Variants in GLIS3 observed in about 807,000 individuals in gnomAD.
GLIS3 encodes the protein GLIS family zinc finger 3, also known as zinc finger protein GLIS3.
GLIS3 carries 53 observed loss-of-function variants against 78.6 expected under a neutral mutation model. The ratio of observed to expected loss-of-function variants is 0.67; its 90% confidence interval spans 0.54 to 0.85. GLIS3 has a LOEUF of 0.85. Among genes scored for constraint, GLIS3 ranks in the 40% least tolerant of loss-of-function variants. GLIS3 has a pLI of 0.00. For missense variants in GLIS3, 1,703 were observed against 1,231.1 expected (o/e 1.38, Z -5.74); for synonymous variants, 684 against 509.9 (o/e 1.34, Z -4.60).
chr9:4,347,651 T>C (rs952380765), intron 1 of GLIS3, among the ~76,000 whole-genome samples: 1 of 152,182 alleles, frequency 6.6e-6, no homozygotes, highest in East Asian at 1.9e-4. Flanking sequence ...TTTCAAATAA[T>C]CCAGAGTGAA....
intron 4 of GLIS3, among the ~76,000 whole-genome samples, chr9:4,041,491 T>C (rs182949168): frequency 1.4e-4 from 22 of 152,302 alleles, no homozygotes; most frequent in East Asian, 1.2e-3. Context: ...GGCACCACCA[T>C]TGAGACTCAA....
chr9:4,072,442 A>G (rs970489131), intron 4 of GLIS3, among the ~76,000 whole-genome samples: 2 of 152,210 alleles, frequency 1.3e-5, no homozygotes, highest in African/African-American at 4.8e-5. Context: ...TCCCACGACA[A>G]TGGAATCAGC....
At chr9:4,472,800 T>TTA in the GLIS3 span, among the ~76,000 whole-genome samples, 3 of 152,018 alleles carry the variant, frequency 2.0e-5, no homozygotes, top group Non-Finnish European at 4.4e-5. Context: ...ATAACACGTT[T>TTA]TATATATATA....
At position 4,336,444 on chromosome 9, in the gene GLIS3, G is replaced by A. The variant is rs144222773; in HGVS notation, n.264+10637C>T. Reference sequence around the variant, plus strand: ...CTGGGTCAGGGACCTGGATCCCTTAGGATCATTGCTACAGTTTCTGGTGCC... The same window carrying A: ...CTGGGTCAGGGACCTGGATCCCTTAAGATCATTGCTACAGTTTCTGGTGCC... On this transcript the variant is annotated intron_variant and non_coding_transcript_variant, in intron 2 of 4. Transcript: ENST00000471664. Among the ~76,000 whole-genome samples the A allele has an allele frequency of 3.5e-4, 54 of 152,306 alleles. 1 individual carries two copies. Among genetic ancestry groups the A allele is most frequent in the African/African-American group, 1.3e-3 (52 of 41,562 alleles).
At chr9:4,483,225 G>A in the GLIS3 span, among the ~76,000 whole-genome samples, 1 of 152,164 alleles carries the variant, frequency 6.6e-6, no homozygotes, top group Non-Finnish European at 1.5e-5. Context: ...CCGTAAATTG[G>A]TTGCAAGCAG....
chr9:4,193,325 A>C (rs1456103799), intron 2 of GLIS3, among the ~76,000 whole-genome samples: 1 of 152,258 alleles, frequency 6.6e-6, no homozygotes, highest in Admixed American at 6.5e-5. Context: ...ACTGAAACAC[A>C]GACAATATTT....
At chr9:4,396,004 C>A in the GLIS3 span, among the ~76,000 whole-genome samples, 1 of 151,912 alleles carries the variant, frequency 6.6e-6, no homozygotes, top group Non-Finnish European at 1.5e-5. Flanking sequence ...GATCTCCTGA[C>A]CTCATGATCC....
intron 4 of GLIS3, among the ~76,000 whole-genome samples, chr9:4,041,742 A>C (rs1824828646): frequency 6.6e-6 from 1 of 152,188 alleles, no homozygotes; most frequent in African/African-American, 2.4e-5. Context: ...AGATGTTCTG[A>C]AGATAAAACC....
intron 2 of GLIS3, among the ~76,000 whole-genome samples, chr9:4,246,006 C>G (rs931377226): frequency 6.6e-6 from 1 of 152,168 alleles, no homozygotes; most frequent in Non-Finnish European, 1.5e-5. Flanking sequence ...CCTCCTCTAT[C>G]TGCCAGAAAA....
intron 4 of GLIS3, among the ~76,000 whole-genome samples, chr9:3,979,446 G>A (rs1482680125): frequency 6.6e-6 from 1 of 152,214 alleles, no homozygotes; most frequent in Non-Finnish European, 1.5e-5. Context: ...TTCGAGCGAA[G>A]ACCACAGCCC....
At chr9:4,013,861 G>C (rs1424373091) in intron 4 of GLIS3, among the ~76,000 whole-genome samples, 2 of 152,174 alleles carry the variant, frequency 1.3e-5, no homozygotes, top group Non-Finnish European at 2.9e-5. Context: ...TGAACATTAA[G>C]TCCAGGTAGC....
At chr9:4,021,855 A>G (rs1822913920) in intron 4 of GLIS3, among the ~76,000 whole-genome samples, 1 of 152,192 alleles carries the variant, frequency 6.6e-6, no homozygotes, top group African/African-American at 2.4e-5. Flanking sequence ...TTTTCAGTTT[A>G]TCGGGCACAA....
At position 4,221,702 on chromosome 9, in the gene GLIS3, G is replaced by A. The variant is rs553574323; in HGVS notation, c.388+64336C>T. Among the ~76,000 whole-genome samples, 47 of 152,266 alleles carry A rather than the reference G, an allele frequency of 3.1e-4. No homozygotes were observed. In the South Asian group the frequency reaches 3.3e-3, roughly 11 times the overall value. ...GGGGGTTATACCAGAAGAGAAAGGG[G>A]CAAAGATAACATATGGAAACACATT... On this transcript the variant is annotated intron_variant, in intron 2 of 10. Coordinates refer to ENST00000381971, the MANE Select transcript of GLIS3 (RefSeq NM_001042413.2).
At chr9:4,155,774 C>A (rs1213990749) in intron 2 of GLIS3, among the ~76,000 whole-genome samples, 1 of 152,058 alleles carries the variant, frequency 6.6e-6, no homozygotes, top group Non-Finnish European at 1.5e-5. Context: ...CTAGGCCCAT[C>A]CCAGAGTTTC....
chr9:4,305,038 T>C (rs572235145), upstream of GLIS3, among the ~76,000 whole-genome samples: 5 of 152,278 alleles, frequency 3.3e-5, no homozygotes, highest in South Asian at 6.2e-4. Context: ...TCTACATTTT[T>C]TTTCACTTCA....
At position 4,118,310 on chromosome 9, in the gene GLIS3, G is replaced by A. The variant is rs777825095; in HGVS notation, c.1168C>T (p.Leu390=). 8.9e-6 allele frequency: 14 copies of A among 1,576,396 alleles called. No individual in the cohort carries two copies. In the South Asian group the frequency reaches 1.5e-4, roughly 17 times the overall value. ...ALPAYGEDGA[L]EHERMQQLEH... ...AGCTGTTGCATGCGCTCGTGCTCCAGGGCCCCGTCCTCGCCGTAGGCCGGC... is the reference window on the plus strand; with the variant it reads ...AGCTGTTGCATGCGCTCGTGCTCCAAGGCCCCGTCCTCGCCGTAGGCCGGC... The change falls in exon 4 of 11, where the codon CTG becomes TTG. Residue 390 remains leucine, a synonymous_variant. Coordinates refer to ENST00000381971, the MANE Select transcript of GLIS3 (RefSeq NM_001042413.2). The surrounding 1 kb of genome is among the most constrained non-coding windows in gnomAD (Gnocchi z 4.7).
At chr9:3,851,404 C>T (rs1819424306) in intron 9 of GLIS3, among the ~76,000 whole-genome samples, 2 of 152,116 alleles carry the variant, frequency 1.3e-5, no homozygotes, top group Admixed American at 1.3e-4. Flanking sequence ...GAATGGAGAC[C>T]CGTAAATACT....
the GLIS3 span, among the ~76,000 whole-genome samples, chr9:4,488,267 T>A: frequency 6.6e-6 from 1 of 152,144 alleles, no homozygotes; most frequent in African/African-American, 2.4e-5. Flanking sequence ...TATGTTTATT[T>A]TACACACATG....
At chr9:4,437,420 G>A in the GLIS3 span, among the ~76,000 whole-genome samples, 2,532 of 127,022 alleles carry the variant, frequency 0.02, 33 homozygotes, top group African/African-American at 0.037. Context: ...ATGTATGTAT[G>A]TATCTATCTA....
Sources: allele counts gnomAD v4.1 joint callset (sites outside exome capture counted in the v4.1 genomes callset), GRCh38; gene constraint gnomAD v4.1.1; non-coding constraint Gnocchi (gnomAD v3.1); transcripts MANE v1.5; gene names NCBI Gene and HGNC (gene_info 2026-07-23, HGNC 2026-07-21).